ISX: variants seen among roughly 807,000 people sequenced by gnomAD.
ISX encodes intestine specific homeobox.
ISX carries 15 observed loss-of-function variants against 16.9 expected under a neutral mutation model. The ratio of observed to expected loss-of-function variants is 0.89; its 90% CI spans 0.59 to 1.36. The LOEUF (loss-of-function observed/expected upper bound fraction) is 1.36. Among genes scored for constraint, ISX ranks in the 40% most tolerant of loss-of-function variants. The pLI is 0.00. For missense variants in ISX, 316 were observed against 306.1 expected (o/e 1.03, Z -0.24); for synonymous variants, 125 against 119.7 (o/e 1.04, Z -0.29).
intron 3 of ISX, among the ~76,000 whole-genome samples, chr22:35,083,035 T>C (rs1929159475): frequency 6.6e-6 from 1 of 152,226 alleles, no homozygotes; most frequent in African/African-American, 2.4e-5. Flanking sequence ...AGCCAGATGG[T>C]AATGATATTA....
chr22:35,083,018 T>C (rs1370916083), intron 3 of ISX, among the ~76,000 whole-genome samples: 1 of 152,186 alleles, frequency 6.6e-6, no homozygotes, highest in Non-Finnish European at 1.5e-5. Context: ...ACAACCTTTC[T>C]GCAAAGAGCC....
chr22:35,081,833 G>A (rs1929129943), intron 2 of ISX, among the ~76,000 whole-genome samples: 1 of 152,160 alleles, frequency 6.6e-6, no homozygotes, highest in Non-Finnish European at 1.5e-5. Context: ...AAGAGACTAT[G>A]GAAAAAATAA....
Position 35,082,905 on chromosome 22 carries a change from T to C in ISX, c.381+236T>C, listed in dbSNP as rs145326967. ...AGTAAAGTGGCATCAGTGATCACCA[T>C]GGATCTGCTCCATACCCTTCCTCCC... On this transcript the variant is annotated intron_variant, in intron 3 of 4. Coordinates refer to ENST00000404699, the MANE Select transcript of ISX (RefSeq NM_001303508.2). Among the ~76,000 whole-genome samples the C allele has an allele frequency of 7.8e-3, 1,194 of 152,312 alleles. 13 individuals are homozygous for C. The highest frequency in any genetic ancestry group is 0.027 in the African/African-American group (1,142 of 41,564).
rs374924112 is a variant in ISX at position 35,076,071 on chromosome 22, T to A, written c.230-6447T>A. ...TTTACAAATATGGAAGCCAGTTTGT[T>A]GTAAGCTGAAATTTCGCACTCTTAA... On this transcript the variant is annotated intron_variant, in intron 2 of 4. Coordinates refer to ENST00000404699, the MANE Select transcript of ISX (RefSeq NM_001303508.2). Among the ~76,000 whole-genome samples the A allele has an allele frequency of 5.3e-5, 8 of 151,386 alleles. No homozygotes were observed. The East Asian group carries it at 1.4e-3, about 26-fold the overall frequency.
At chr22:35,077,514 T>C (rs1470498735) in intron 2 of ISX, among the ~76,000 whole-genome samples, 1 of 152,144 alleles carries the variant, frequency 6.6e-6, no homozygotes, top group Non-Finnish European at 1.5e-5. Context: ...GGCCTTCTGA[T>C]TGGGTCTTTC....
intron 2 of ISX, among the ~76,000 whole-genome samples, chr22:35,076,808 A>T (rs963598395): frequency 2.0e-5 from 3 of 152,306 alleles, no homozygotes; most frequent in Admixed American, 2.0e-4. Flanking sequence ...GCTCAGGTTT[A>T]ATTAAGTTCT....
intron 2 of ISX, among the ~76,000 whole-genome samples, chr22:35,069,347 A>T (rs1336140028): frequency 2.0e-5 from 3 of 152,206 alleles, no homozygotes; most frequent in Middle Eastern, 3.2e-3. Flanking sequence ...CTGGGTGAGA[A>T]GGGCAGGGTT....
intron 3 of ISX, 26 bp from the exon 4 acceptor site, chr22:35,084,357 T>C (rs1344249191): frequency 2.0e-6 from 3 of 1,522,368 alleles, no homozygotes; most frequent in Non-Finnish European, 2.7e-6. Flanking sequence ...CTCTTGCTTA[T>C]CCCCGTCCTT....
intron 2 of ISX, among the ~76,000 whole-genome samples, chr22:35,071,020 C>A (rs540571863): frequency 6.6e-6 from 1 of 152,218 alleles, no homozygotes; most frequent in South Asian, 2.1e-4. Flanking sequence ...CAGATTTGGC[C>A]CTCATGCTGC....
chr22:35,084,137 C>T (rs1929188169), intron 3 of ISX, among the ~76,000 whole-genome samples: 1 of 152,268 alleles, frequency 6.6e-6, no homozygotes, highest in East Asian at 1.9e-4. Context: ...CCCCGCCAAT[C>T]CCAATTGGGC....
At chr22:35,071,994 G>T (rs754835092) in intron 2 of ISX, among the ~76,000 whole-genome samples, 1 of 152,222 alleles carries the variant, frequency 6.6e-6, no homozygotes, top group Non-Finnish European at 1.5e-5. Context: ...TCATCACCTG[G>T]TGATTAACAG....
chr22:35,078,983 T>A (rs1161838432), intron 2 of ISX, among the ~76,000 whole-genome samples: 1 of 152,164 alleles, frequency 6.6e-6, no homozygotes, highest in Non-Finnish European at 1.5e-5. Context: ...GAGGCCCAGA[T>A]AATGAATCCA....
At chr22:35,070,729 GT>G (rs768190895) in intron 2 of ISX, among the ~76,000 whole-genome samples, 2 of 152,378 alleles carry the variant, frequency 1.3e-5, no homozygotes, top group East Asian at 3.9e-4. Flanking sequence ...GTCCCTGGCA[GT>G]GCCACCTTGG....
At position 35,082,622 on chromosome 22, in the gene ISX, C is replaced by T. The variant is rs144398029; in HGVS notation, c.334C>T (p.Arg112Cys). 128 of 1,614,042 alleles carry T rather than the reference C, an allele frequency of 7.9e-5. No individual in the cohort carries two copies. Among genetic ancestry groups the T allele is most frequent in the Admixed American group, 3.3e-4 (20 of 60,006 alleles). ...TACCCACTACCCAGACGTTCACATC[C>T]GCAGCCAGCTGGCAGCCAGGATCAA... is the stretch of plus-strand genomic sequence containing the variant. ...HFTHYPDVHI[R>C]SQLAARINLP... The change falls in exon 3 of 5, where the codon CGC becomes TGC. Residue 112 changes from arginine (R) to cysteine (C), a missense_variant. Arg to Cys is a radical substitution (Grantham distance 180). Transcript: ENST00000404699.
intron 2 of ISX, 144 bp from the exon 3 acceptor site, chr22:35,082,374 A>G: frequency 2.7e-6 from 2 of 729,404 alleles, no homozygotes; most frequent in Non-Finnish European, 4.6e-6. Context: ...GAAAGAGAAT[A>G]CTGTGAAGCT....
At chr22:35,075,520 C>T (rs752199551) in intron 2 of ISX, among the ~76,000 whole-genome samples, 1 of 152,158 alleles carries the variant, frequency 6.6e-6, no homozygotes, top group Non-Finnish European at 1.5e-5. Flanking sequence ...TAAAGGAGCT[C>T]TACTGCTGTT....
chr22:35,070,567 G>A (rs1209844313), intron 2 of ISX, among the ~76,000 whole-genome samples: 2 of 152,222 alleles, frequency 1.3e-5, no homozygotes, highest in African/African-American at 4.8e-5. Context: ...CTGGCCTGTG[G>A]GGAACCCAGG....
intron 2 of ISX, among the ~76,000 whole-genome samples, chr22:35,071,930 G>C (rs1483832211): frequency 6.6e-6 from 1 of 152,186 alleles, no homozygotes; most frequent in Admixed American, 6.5e-5. Context: ...CTCTGCTATG[G>C]GAACTGGGAG....
chr22:35,076,668 G>A lies in ISX; in HGVS notation c.230-5850G>A, dbSNP rs565858179. On this transcript the variant is annotated intron_variant, in intron 2 of 4. Transcript: ENST00000404699. Reference sequence around the variant, plus strand: ...CCCGGGCCTTTAGCTGCTCAACCAGGACCAATTAGCAGACCCCAGAGAAGA... The same window carrying A: ...CCCGGGCCTTTAGCTGCTCAACCAGAACCAATTAGCAGACCCCAGAGAAGA... Among the ~76,000 whole-genome samples the A allele has an allele frequency of 1.7e-4, 26 of 152,274 alleles. No homozygotes were observed. In the South Asian group the frequency reaches 5.4e-3, roughly 32 times the overall value.
Sources: gnomAD v4.1 joint callset for allele counts (sites outside exome capture counted in the v4.1 genomes callset) on GRCh38, gnomAD v4.1.1 for gene constraint, MANE v1.5 for transcripts, NCBI Gene and HGNC (gene_info 2026-07-23, HGNC 2026-07-21) for gene names.